BFAR: variants seen among roughly 807,000 people sequenced by gnomAD.
BFAR encodes bifunctional apoptosis regulator.
A neutral mutation model predicts 54.4 loss-of-function variants in BFAR; 52 were observed. The observed-to-expected ratio is 0.96, with a 90% CI of 0.77 to 1.21. The LOEUF is 1.21. Among genes scored for constraint, BFAR ranks in the 50% most tolerant of loss-of-function variants. BFAR has a pLI of 0.00. For missense variants in BFAR, 571 were observed against 534.0 expected (o/e 1.07, Z -0.68); for synonymous variants, 215 against 204.3 (o/e 1.05, Z -0.45).
rs200622080 is a variant in BFAR at position 14,665,060 on chromosome 16, A to C, written c.1149A>C (p.Arg383Ser). ...TCTCCTTTTGGAGAATCTGGTCGAG[A>C]AGTGAACTGAAGTAAGTATGTTTTA... ...ELFSFWRIWS[R>S]SELKTVPQRM... Residue 383 changes from arginine to serine, a missense_variant, in exon 7 of 8, where the codon AGA becomes AGC. Arg to Ser is a moderately radical substitution (Grantham distance 110). Transcript: ENST00000261658. 40 of 1,610,540 alleles carry C rather than the reference A, an allele frequency of 2.5e-5. No homozygotes were observed. The East Asian group carries it at 8.5e-4, about 34-fold the overall frequency.
At chr16:14,648,953 G>T (rs1315004117) in intron 3 of BFAR, among the ~76,000 whole-genome samples, 1 of 151,898 alleles carries the variant, frequency 6.6e-6, no homozygotes, top group Non-Finnish European at 1.5e-5. Flanking sequence ...TTTTAGGGTG[G>T]TGAAAATGAA....
intron 2 of BFAR, among the ~76,000 whole-genome samples, chr16:14,645,167 T>G (rs1959754209): frequency 6.6e-6 from 1 of 151,996 alleles, no homozygotes; most frequent in African/African-American, 2.4e-5. Flanking sequence ...TTTTAAAAAT[T>G]AGCCAGGTGT....
intron 6 of BFAR, among the ~76,000 whole-genome samples, chr16:14,664,337 G>A (rs942153959): frequency 6.8e-6 from 1 of 146,308 alleles, no homozygotes; most frequent in African/African-American, 2.6e-5. Context: ...GCTGCAGTGA[G>A]CCGAGATGGC....
chr16:14,655,160 C>A lies in BFAR; in HGVS notation c.733C>A (p.Arg245Ser), dbSNP rs768962951. The part of the protein sequence containing the change: ...HRRAILMELE[R>S]VKALGVKPPQ... ...GAGAGCCATCCTCATGGAGCTAGAA[C>A]GTGTCAAAGCATTAGGCGTGAAGCC... Residue 245 changes from arginine (R) to serine (S), a missense_variant, in exon 5 of 8, where the codon CGT becomes AGT. Arg to Ser is a moderately radical substitution (Grantham distance 110, BLOSUM62 -1). Coordinates refer to ENST00000261658, the MANE Select transcript of BFAR (RefSeq NM_016561.3). 1 of 1,603,240 alleles carries A rather than the reference C, an allele frequency of 6.2e-7. No homozygotes were observed.
intron 6 of BFAR, among the ~76,000 whole-genome samples, chr16:14,662,803 G>A (rs1309312480): frequency 1.3e-5 from 2 of 152,072 alleles, no homozygotes; most frequent in South Asian, 2.1e-4. Flanking sequence ...CTCAGACACC[G>A]AGTTAAAGAA....
chr16:14,658,325 G>C (rs1375300077), intron 5 of BFAR, among the ~76,000 whole-genome samples: 2 of 152,078 alleles, frequency 1.3e-5, no homozygotes, highest in Admixed American at 6.6e-5. Context: ...TTATGCAAAG[G>C]AACTTTCTGT....
In BFAR at chr16:14,668,822, G is replaced by A. The variant is rs1173455382; in HGVS notation, c.*995G>A. The A allele has an allele frequency of 1.1e-5, 2 of 178,444 alleles. No individual in the cohort carries two copies. Among genetic ancestry groups the A allele is most frequent in the Non-Finnish European group, 2.4e-5 (2 of 83,102 alleles). The allele number at this position is 178,444 out of a possible 1,614,324, so 11.1% of individuals were successfully genotyped here. A position where few individuals can be genotyped will look rare whatever the true frequency, so the allele number is the denominator to read the frequency against. ...CTGCACTTCAGCCTGGGTGACAGAG[G>A]GAGACTCTGTCTTAAAAAAAAAAAA... On this transcript the variant is annotated 3_prime_UTR_variant, in exon 8 of 8. Transcript: ENST00000261658.
intron 4 of BFAR, among the ~76,000 whole-genome samples, chr16:14,654,833 A>T (rs1437757756): frequency 6.6e-6 from 1 of 152,174 alleles, no homozygotes; most frequent in Non-Finnish European, 1.5e-5. Context: ...GCATAATGCC[A>T]CTACCCTGAA....
At position 14,644,503 on chromosome 16, in the gene BFAR, T is replaced by G; in HGVS notation, c.157T>G (p.Phe53Val). 6.2e-7 allele frequency: 1 copy of G among 1,614,152 alleles called. No individual in the cohort carries two copies. Among genetic ancestry groups the G allele is most frequent in the Non-Finnish European group, 8.5e-7 (1 of 1,180,022 alleles). Residue 53 changes from phenylalanine to valine, a missense_variant, in exon 2 of 8, where the codon TTC becomes GTC. Transcript: ENST00000261658. The part of the protein sequence containing the change: ...NPTTLNCGHS[F>V]CRHCLALWWA... ...CACCACCTTGAACTGTGGGCACAGC[T>G]TCTGCCGTCACTGCCTTGCTTTATG...
rs187882645 is a variant in BFAR at position 14,666,671 on chromosome 16, C to T, written c.1161-964C>T. 5.2e-3 allele frequency among the ~76,000 whole-genome samples: 794 copies of T among 152,302 alleles called. 3 individuals are homozygous for T. The highest frequency in any genetic ancestry group is 9.0e-3 in the Non-Finnish European group (612 of 68,012). ...CCTTTTACCTTGACATTCTGACTCG[C>T]AGCCTTATGAATGGTTCTGAGAACC... On this transcript the variant is annotated intron_variant, in intron 7 of 7. Coordinates refer to ENST00000261658, the MANE Select transcript of BFAR (RefSeq NM_016561.3).
At chr16:14,637,626 A>G in intron 1 of BFAR, among the ~76,000 whole-genome samples, 1 of 152,186 alleles carries the variant, frequency 6.6e-6, no homozygotes, top group East Asian at 1.9e-4. Flanking sequence ...ACCTGAGGTC[A>G]GGAGTTTGAG....
At chr16:14,636,187 C>G (rs554981659) in intron 1 of BFAR, among the ~76,000 whole-genome samples, 3 of 152,090 alleles carry the variant, frequency 2.0e-5, no homozygotes, top group Non-Finnish European at 4.4e-5. Flanking sequence ...GGGTGTTTCT[C>G]GTTAGGTGGA....
intron 4 of BFAR, 133 bp from the exon 5 acceptor site, chr16:14,654,933 A>C: frequency 1.1e-6 from 1 of 920,750 alleles, no homozygotes; most frequent in African/African-American, 1.7e-5. Flanking sequence ...GCTGCTCTTG[A>C]TGTTGTTAAA....
chr16:14,661,789 C>A, intron 5 of BFAR, 103 bp from the exon 6 acceptor site: 1 of 1,248,192 alleles, frequency 8.0e-7, no homozygotes, highest in Non-Finnish European at 1.1e-6. Flanking sequence ...TTGTGTGTAC[C>A]ATGCAAAAAG....
intron 6 of BFAR, among the ~76,000 whole-genome samples, chr16:14,662,842 G>A (rs978735020): frequency 1.1e-4 from 17 of 152,088 alleles, no homozygotes; most frequent in Non-Finnish European, 1.6e-4. Context: ...CGGGAGCGTC[G>A]GCAAGACTCC....
rs767338943 is a variant in BFAR at position 14,648,510 on chromosome 16, T to C, written c.386T>C (p.Leu129Ser). The C allele has an allele frequency of 2.5e-6, 4 of 1,614,034 alleles. No homozygotes were observed. The highest frequency in any genetic ancestry group is 3.4e-6 in the Non-Finnish European group (4 of 1,179,914). Residue 129 changes from leucine to serine, a missense_variant, in exon 3 of 8, where the codon TTA (leucine) becomes TCA (serine). Coordinates refer to ENST00000261658, the MANE Select transcript of BFAR (RefSeq NM_016561.3). The stretch of plus-strand genomic sequence containing the variant: ...AAATATGGGAATGATCAGATTCCTT[T>C]AGCTCCTAACACAGGCCGAGCGAAT... ...FQKYGNDQIP[L>S]APNTGRANQQ...
At chr16:14,650,046 G>C (rs1016078337) in intron 4 of BFAR, 73 bp downstream of exon 4, 1 of 1,455,868 alleles carries the variant, frequency 6.9e-7, no homozygotes, top group Non-Finnish European at 9.2e-7. Context: ...ATCCAGGCCA[G>C]GCGCGGTGGC....
intron 5 of BFAR, among the ~76,000 whole-genome samples, chr16:14,658,147 A>G (rs562653204): frequency 5.3e-5 from 8 of 152,290 alleles, no homozygotes; most frequent in African/African-American, 1.7e-4. Flanking sequence ...CTCTAGCAAG[A>G]GAGAGGGGAC....
intron 1 of BFAR, among the ~76,000 whole-genome samples, chr16:14,643,487 C>T (rs560018622): frequency 2.0e-5 from 3 of 152,160 alleles, no homozygotes; most frequent in African/African-American, 7.2e-5. Context: ...ACAAATAGGC[C>T]AGAAAGAAAT....
Sources: gnomAD v4.1 joint callset for allele counts (sites outside exome capture counted in the v4.1 genomes callset) on GRCh38, gnomAD v4.1.1 for gene constraint, MANE v1.5 for transcripts, NCBI Gene and HGNC (gene_info 2026-07-23, HGNC 2026-07-21) for gene names.